The following TRIML2 variants were observed in gnomAD, a reference collection of about 807,000 sequenced individuals.
TRIML2 encodes probable E3 ubiquitin-protein ligase TRIML2.
TRIML2 carries 28 observed loss-of-function variants against 31.2 expected under a neutral mutation model. The ratio of observed to expected loss-of-function variants is 0.90; its 90% CI spans 0.66 to 1.23. TRIML2 has a LOEUF of 1.23. TRIML2 is among the 50% of genes most tolerant of loss of function. TRIML2 has a pLI of 0.00. For missense variants in TRIML2, 536 were observed against 528.3 expected, an observed-to-expected ratio of 1.01 and a Z score of -0.14; for synonymous variants, 187 against 197.5, an observed-to-expected ratio of 0.95 and a Z score of 0.45.
intron 5 of TRIML2, 36 bp from the exon 6 acceptor site, chr4:188,097,382 T>G (rs1733566897): frequency 6.2e-7 from 1 of 1,608,456 alleles, no homozygotes; most frequent in African/African-American, 1.3e-5. Context: ...TACTACTGGG[T>G]TTTTGAGCTG....
At chr4:188,101,341 A>G in intron 3 of TRIML2, 91 bp from the exon 4 acceptor site, 1 of 630,006 alleles carries the variant, frequency 1.6e-6, no homozygotes, top group Non-Finnish European at 2.6e-6. Flanking sequence ...CTATATCTAT[A>G]TATAGATATA....
chr4:188,099,425 G>A (rs1325395767), intron 4 of TRIML2, among the ~76,000 whole-genome samples: 1 of 152,068 alleles, frequency 6.6e-6, no homozygotes, highest in Non-Finnish European at 1.5e-5. Flanking sequence ...TTAGCCAGGC[G>A]TGGTGGCGGG....
rs1733274075 is a variant in TRIML2 at position 188,091,819 on chromosome 4, T to C, written c.868A>G (p.Ser290Gly). ...GAGNPERLDF[S>G]AMVLAAESFT... The stretch of plus-strand genomic sequence containing the variant: ...CTCTCCGCAGCCAGCACCATGGCAC[T>C]GAAATCCAATCTTTCTGGGTTGCCA... The change falls in exon 8 of 8, where the codon AGT becomes GGT. Residue 290 changes from serine to glycine, a missense_variant. Physicochemically the swap from Ser to Gly is moderately conservative, Grantham distance 56 (BLOSUM62 0). Coordinates refer to ENST00000682553, the MANE Select transcript of TRIML2 (RefSeq NM_173553.4). 3 of 1,614,202 alleles carry C rather than the reference T, an allele frequency of 1.9e-6. No individual in the cohort carries two copies. The highest frequency in any genetic ancestry group is 2.5e-6 in the Non-Finnish European group (3 of 1,180,046).
chr4:188,095,066 G>A (rs76648184), intron 7 of TRIML2, among the ~76,000 whole-genome samples: 13,740 of 152,170 alleles, frequency 0.09, 831 homozygotes, highest in Middle Eastern at 0.14. Flanking sequence ...ATGGATACAT[G>A]TGAGTCAAAA....
intron 4 of TRIML2, among the ~76,000 whole-genome samples, chr4:188,099,853 A>G (rs2111172664): frequency 1.3e-5 from 2 of 152,306 alleles, no homozygotes; most frequent in Middle Eastern, 3.4e-3. Context: ...ATCAATTAAA[A>G]TTAAGGTATA....
At chr4:188,094,109 CAAAA>C (rs1407504752) in intron 7 of TRIML2, among the ~76,000 whole-genome samples, 7 of 143,046 alleles carry the variant, frequency 4.9e-5, no homozygotes, top group Admixed American at 2.8e-4. Flanking sequence ...AAAACAAAAA[CAAAA>C]ACAAAAACAA....
At chr4:188,108,678 C>A (rs914455910) in intron 1 of TRIML2, among the ~76,000 whole-genome samples, 1 of 152,128 alleles carries the variant, frequency 6.6e-6, no homozygotes. Flanking sequence ...CACAGCCCTT[C>A]CCCCTTCCGT....
chr4:188,097,002 G>T (rs763156572), intron 7 of TRIML2, 59 bp downstream of exon 7: 67 of 1,252,480 alleles, frequency 5.3e-5, no homozygotes, highest in Non-Finnish European at 7.6e-5. Context: ...TGGCAGGATG[G>T]TCACCTGATT....
chr4:188,092,831 T>A (rs1225420708), intron 7 of TRIML2: 1 of 456,086 alleles, frequency 2.2e-6, no homozygotes, highest in African/African-American at 2.0e-5. Context: ...CCTGCATGAA[T>A]ACGTCTTCTT....
rs767197860 is a variant in TRIML2 at position 188,101,115 on chromosome 4, GA to G, written c.420del (p.Leu141Ter). On this transcript the variant is annotated frameshift_variant, in exon 4 of 8. Transcript: ENST00000682553. LOFTEE classifies it high-confidence loss of function. ...GTGGCAAGCTTGATCGCTTGATTCA[GA>G]AGGGTTTCTCTCAGGTTCAAGTCAG... is the stretch of plus-strand genomic sequence containing the variant. Reference protein sequence around the residue: ...CISDLNLRETLLNQAIKLATE... With the variant: ...CISDLNLRETXLNQAIKLATE... 1 of 1,613,706 alleles carries G rather than the reference GA, an allele frequency of 6.2e-7. No individual in the cohort carries two copies. The highest frequency in any genetic ancestry group is 1.1e-5 in the South Asian group (1 of 91,018).
At chr4:188,099,905 C>G (rs1158420894) in intron 4 of TRIML2, among the ~76,000 whole-genome samples, 3 of 151,756 alleles carry the variant, frequency 2.0e-5, no homozygotes, top group Non-Finnish European at 4.4e-5. Context: ...TTACTGATAT[C>G]AATTTTCTTT....
At chr4:188,102,285 G>C (rs1047203692) in intron 3 of TRIML2, among the ~76,000 whole-genome samples, 1 of 152,012 alleles carries the variant, frequency 6.6e-6, no homozygotes, top group Non-Finnish European at 1.5e-5. Context: ...AGGAGTCATG[G>C]ACGAAAGACA....
At chr4:188,108,246 A>C (rs1349037015) in intron 1 of TRIML2, among the ~76,000 whole-genome samples, 2 of 152,024 alleles carry the variant, frequency 1.3e-5, no homozygotes, top group African/African-American at 2.4e-5. Flanking sequence ...TGAAGATTTA[A>C]GTTCCATTCT....
chr4:188,109,147 C>G (rs35947977), intron 1 of TRIML2, 96 bp downstream of exon 1: 73,856 of 151,502 alleles, frequency 0.49, 18,826 homozygotes, highest in South Asian at 0.61. Context: ...TGATAACACA[C>G]AGATACACAC....
At position 188,094,091 on chromosome 4, in the gene TRIML2, AAAAAACAAAAAC is replaced by A. The variant is rs750746687; in HGVS notation, c.746-2162_746-2151del. Among the ~76,000 whole-genome samples the A allele has an allele frequency of 2.2e-3, 301 of 136,828 alleles. 4 individuals are homozygous for A. The highest frequency in any genetic ancestry group is 3.8e-3 in the Non-Finnish European group (248 of 65,442). 89.8% of individuals were successfully genotyped at this position (136,828 alleles called of 152,430 possible). Reference sequence around the variant, plus strand: ...GGGTGACAGAGCCAGACAGCATCTCAAAAAACAAAAACAAAAACAAAAACAAAAACAAAAACA... The same window carrying A: ...GGGTGACAGAGCCAGACAGCATCTCAAAAAACAAAAACAAAAACAAAAACA... On this transcript the variant is annotated intron_variant, in intron 7 of 7. Coordinates refer to ENST00000682553, the MANE Select transcript of TRIML2 (RefSeq NM_173553.4).
intron 4 of TRIML2, among the ~76,000 whole-genome samples, chr4:188,100,630 G>C (rs1480000693): frequency 6.6e-6 from 1 of 152,130 alleles, no homozygotes; most frequent in Admixed American, 6.5e-5. Context: ...GCTGAGGCAG[G>C]AGAATGGCGT....
chr4:188,108,161 T>G (rs1010035201), intron 1 of TRIML2, among the ~76,000 whole-genome samples: 6 of 152,150 alleles, frequency 3.9e-5, no homozygotes, highest in African/African-American at 1.4e-4. Flanking sequence ...TCTGAACCTC[T>G]CAATCTTGGG....
chr4:188,095,777 A>G (rs1733477468), intron 7 of TRIML2, among the ~76,000 whole-genome samples: 1 of 152,214 alleles, frequency 6.6e-6, no homozygotes. Flanking sequence ...TACAGCACAG[A>G]GCTGGAAACA....
chr4:188,092,013 C>T, intron 7 of TRIML2, 72 bp from the exon 8 acceptor site: 1 of 1,476,930 alleles, frequency 6.8e-7, no homozygotes, highest in African/African-American at 1.4e-5. Flanking sequence ...ATTTCTAACA[C>T]ACCTGGGCTT....
Sources: allele counts gnomAD v4.1 joint callset (sites outside exome capture counted in the v4.1 genomes callset), GRCh38; gene constraint gnomAD v4.1.1; transcripts MANE v1.5; gene names NCBI Gene and HGNC (gene_info 2026-07-23, HGNC 2026-07-21).